Variants in MYRIP observed in about 807,000 individuals in gnomAD.
MYRIP encodes myosin VIIA and Rab interacting protein, also known as rab effector MyRIP.
MYRIP carries 49 observed loss-of-function variants against 98.0 expected under a neutral mutation model. That is an observed-to-expected ratio of 0.50 (90% confidence interval 0.40 to 0.63). The LOEUF (loss-of-function observed/expected upper bound fraction) is 0.63. Ranked by LOEUF, MYRIP falls within the 30% of genes least tolerant of loss-of-function variation. The probability of loss-of-function intolerance (pLI) is 0.00; values close to 1 mark genes in which losing one functional copy is unlikely to be tolerated. For missense variants in MYRIP, 1,004 were observed against 1,058.2 expected (o/e 0.95, Z 0.71); for synonymous variants, 404 against 409.5 (o/e 0.99, Z 0.16).
chr3:40,017,358 C>G (rs1399407504), intron 2 of MYRIP, among the ~76,000 whole-genome samples: 1 of 152,208 alleles, frequency 6.6e-6, no homozygotes, highest in Non-Finnish European at 1.5e-5. Context: ...GAAACTGGAA[C>G]TCTCCATAAC....
chr3:39,839,767 G>A (rs1226223949), intron 1 of MYRIP, among the ~76,000 whole-genome samples: 1 of 152,100 alleles, frequency 6.6e-6, no homozygotes, highest in Non-Finnish European at 1.5e-5. Context: ...ATGTAGTTGT[G>A]TGTTTTTCAT....
At chr3:40,019,697 T>A (rs1025220707) in intron 2 of MYRIP, among the ~76,000 whole-genome samples, 1 of 151,532 alleles carries the variant, frequency 6.6e-6, no homozygotes, top group South Asian at 2.1e-4. Flanking sequence ...GTTCCAGGAA[T>A]AAGGGAAACA....
At chr3:40,162,346 A>G (rs1440040408) in intron 4 of MYRIP, among the ~76,000 whole-genome samples, 2 of 152,110 alleles carry the variant, frequency 1.3e-5, no homozygotes, top group Non-Finnish European at 2.9e-5. Flanking sequence ...CTCATAGACT[A>G]TTTGCTGGAT....
intron 12 of MYRIP, among the ~76,000 whole-genome samples, chr3:40,240,524 T>C (rs1460516573): frequency 2.6e-5 from 4 of 152,108 alleles, no homozygotes; most frequent in African/African-American, 9.7e-5. Context: ...TCAAAGAAAG[T>C]GGTGACAGAC....
At chr3:40,126,014 C>A (rs574167029) in intron 3 of MYRIP, among the ~76,000 whole-genome samples, 1 of 152,196 alleles carries the variant, frequency 6.6e-6, no homozygotes, top group Non-Finnish European at 1.5e-5. Context: ...TGCTCAAGGG[C>A]CTTCATGCTG....
At chr3:39,942,825 C>T (rs1002769551) in intron 2 of MYRIP, among the ~76,000 whole-genome samples, 2 of 152,114 alleles carry the variant, frequency 1.3e-5, no homozygotes, top group African/African-American at 4.8e-5. Flanking sequence ...TATCTCCTTC[C>T]CAGCTCTGGT....
At chr3:39,865,121 C>T (rs1226953105) in intron 1 of MYRIP, among the ~76,000 whole-genome samples, 2 of 152,076 alleles carry the variant, frequency 1.3e-5, no homozygotes, top group Admixed American at 1.3e-4. Context: ...TGAAGGTGGA[C>T]CCCTTCCTTA....
At chr3:39,818,108 CT>C (rs1325610108) in intron 1 of MYRIP, among the ~76,000 whole-genome samples, 4 of 152,152 alleles carry the variant, frequency 2.6e-5, no homozygotes, top group Non-Finnish European at 4.4e-5. Context: ...TGAAACCATT[CT>C]TTTAAGACAT....
chr3:40,048,173 A>G (rs1947709574), intron 3 of MYRIP, among the ~76,000 whole-genome samples: 1 of 152,192 alleles, frequency 6.6e-6, no homozygotes, highest in Non-Finnish European at 1.5e-5. Context: ...TTGTGTTTGT[A>G]TATGAAATCT....
At chr3:40,013,521 A>C (rs1396465263) in intron 2 of MYRIP, among the ~76,000 whole-genome samples, 1 of 152,226 alleles carries the variant, frequency 6.6e-6, no homozygotes, top group Admixed American at 6.5e-5. Context: ...CAGCAGCAAC[A>C]TACTGGAAAG....
At chr3:40,120,495 T>G (rs532366980) in intron 3 of MYRIP, among the ~76,000 whole-genome samples, 1 of 152,330 alleles carries the variant, frequency 6.6e-6, no homozygotes, top group South Asian at 2.1e-4. Flanking sequence ...GAGGCAGCAT[T>G]CGATGCAACC....
chr3:39,845,471 G>T (rs1941936447), intron 1 of MYRIP, among the ~76,000 whole-genome samples: 1 of 151,874 alleles, frequency 6.6e-6, no homozygotes, highest in Middle Eastern at 3.4e-3. Context: ...GCTATAGTTG[G>T]GGTACTTTTC....
chr3:39,812,569 G>A (rs1270419649), intron 1 of MYRIP, among the ~76,000 whole-genome samples: 1 of 152,142 alleles, frequency 6.6e-6, no homozygotes, highest in African/African-American at 2.4e-5. Flanking sequence ...TTAAAGTAAT[G>A]CAAACATGAA....
chr3:39,899,256 C>T (rs1442448932), intron 1 of MYRIP, among the ~76,000 whole-genome samples: 1 of 152,088 alleles, frequency 6.6e-6, no homozygotes, highest in Non-Finnish European at 1.5e-5. Flanking sequence ...GCTTCTCTGT[C>T]TCAACATTAT....
chr3:40,079,946 ATTTC>A (rs1364308517), intron 3 of MYRIP, among the ~76,000 whole-genome samples: 2 of 152,184 alleles, frequency 1.3e-5, no homozygotes, highest in Non-Finnish European at 2.9e-5. Flanking sequence ...AAACAATTGT[ATTTC>A]TTCCTTCCTT....
At position 40,223,487 on chromosome 3, in the gene MYRIP, C is replaced by A. The variant is rs141995754; in HGVS notation, c.1906-10372C>A. 2.0e-3 allele frequency among the ~76,000 whole-genome samples: 299 copies of A among 152,240 alleles called. 1 individual carries two copies. The highest frequency in any genetic ancestry group is 7.0e-3 in the African/African-American group (290 of 41,550). ...TCCACACTAGGTCAAAAAAAGACAG[C>A]TTTTTAATAAATAGTGTTTGGACAA... On this transcript the variant is annotated intron_variant, in intron 11 of 16. Transcript: ENST00000302541.
intron 1 of MYRIP, among the ~76,000 whole-genome samples, chr3:39,887,446 G>A (rs1943339609): frequency 6.6e-6 from 1 of 151,994 alleles, no homozygotes; most frequent in South Asian, 2.1e-4. Context: ...CTGCTAGCAA[G>A]ACTAATAAAG....
rs537027202 is a variant in MYRIP, at chr3:40,080,821, A to G, written c.332+36550A>G. ...TTTTTTTTTTTTTTTTTTTGCTTCC[A>G]TCTACTTTCTTTGGGCTTTTTCTAC... On this transcript the variant is annotated intron_variant, in intron 3 of 16. Transcript: ENST00000302541. Among the ~76,000 whole-genome samples the G allele has an allele frequency of 9.1e-5, 6 of 65,884 alleles. No individual in the cohort carries two copies. In the South Asian group the frequency reaches 1.5e-3, roughly 17 times the overall value. 43.2% of individuals were successfully genotyped at this position (65,884 alleles called of 152,430 possible). A position where few individuals can be genotyped will look rare whatever the true frequency, so the allele number is the denominator to read the frequency against.
intron 3 of MYRIP, among the ~76,000 whole-genome samples, chr3:40,107,400 T>G (rs1297756812): frequency 6.6e-6 from 1 of 152,222 alleles, no homozygotes; most frequent in Non-Finnish European, 1.5e-5. Flanking sequence ...CTACTGGTCT[T>G]GCCATAAAGT....
Sources: allele counts gnomAD v4.1 joint callset (sites outside exome capture counted in the v4.1 genomes callset), GRCh38; gene constraint gnomAD v4.1.1; transcripts MANE v1.5; gene names NCBI Gene and HGNC (gene_info 2026-07-23, HGNC 2026-07-21).